DCAF1: variants seen among roughly 807,000 people sequenced by gnomAD.
The protein encoded by DCAF1 is DDB1 and CUL4 associated factor 1.
A neutral mutation model predicts 128.0 loss-of-function variants in DCAF1; 15 were observed. The ratio of observed to expected loss-of-function variants is 0.12; its 90% confidence interval spans 0.08 to 0.18. The LOEUF is 0.18. DCAF1 is among the 10% of genes least tolerant of loss of function. The probability of loss-of-function intolerance (pLI) is 1.00; values close to 1 mark genes in which losing one functional copy is unlikely to be tolerated. For missense variants in DCAF1, 988 were observed against 1,649.5 expected, an observed-to-expected ratio of 0.60 and a Z score of 6.95; for synonymous variants, 610 against 603.0, an observed-to-expected ratio of 1.01 and a Z score of -0.17.
At chr3:51,478,661 G>GT (rs1226638640) in intron 3 of DCAF1, among the ~76,000 whole-genome samples, 12 of 151,494 alleles carry the variant, frequency 7.9e-5, no homozygotes, top group Non-Finnish European at 1.6e-4. Context: ...TTTTTGTTTT[G>GT]TTTTTTTAAT....
chr3:51,442,097 A>T (rs1701412668), intron 7 of DCAF1, among the ~76,000 whole-genome samples, 200 bp from the exon 8 acceptor site: 1 of 152,126 alleles, frequency 6.6e-6, no homozygotes, highest in African/African-American at 2.4e-5. Flanking sequence ...TTCCTCATAA[A>T]ATTTTCCAGA....
intron 10 of DCAF1, among the ~76,000 whole-genome samples, chr3:51,430,947 T>TC (rs1208517826): frequency 1.3e-5 from 2 of 152,184 alleles, no homozygotes; most frequent in Admixed American, 6.5e-5. Context: ...TCCTAGGGGA[T>TC]CACAGGAGCC....
chr3:51,406,580 G>C (rs1432929214), intron 23 of DCAF1, among the ~76,000 whole-genome samples: 2 of 151,834 alleles, frequency 1.3e-5, no homozygotes, highest in African/African-American at 4.8e-5. Context: ...CAATTTCATG[G>C]TTACCCAAAG....
intron 6 of DCAF1, among the ~76,000 whole-genome samples, chr3:51,458,517 T>A (rs1304525561): frequency 6.6e-6 from 1 of 151,818 alleles, no homozygotes; most frequent in Non-Finnish European, 1.5e-5. Context: ...AGACAGAAAG[T>A]TAACAAGGAT....
chr3:51,448,757 C>A (rs1475939664), intron 6 of DCAF1, among the ~76,000 whole-genome samples: 15 of 152,236 alleles, frequency 9.9e-5, no homozygotes, highest in African/African-American at 3.4e-4. Context: ...CTTTCAATTA[C>A]GATTAAGACA....
At chr3:51,499,711 G>C (rs1032404817) in intron 1 of DCAF1, among the ~76,000 whole-genome samples, 162 bp downstream of exon 1, 16 of 151,622 alleles carry the variant, frequency 1.1e-4, no homozygotes, top group Admixed American at 9.2e-4. Context: ...TCAGGCCCCG[G>C]GCCCAGCCTC....
rs1553638924 is a variant in DCAF1 at position 51,441,861 on chromosome 3, G to A, written c.550C>T (p.Leu184=). ...TCCTGCCGCAAAGCCACTTCCTGTA[G>A]CTGTAGCTCCCTCAGTCTTCGAAGC... ...IVLRRLRELQ[L]QEVALRQENK... is the part of the protein sequence containing the mutation. The change falls in exon 8 of 25, where the codon CTA becomes TTA. Residue 184 remains leucine (L), a synonymous_variant. Coordinates refer to ENST00000684031, the MANE Select transcript of DCAF1 (RefSeq NM_001387579.1). 1 of 1,611,270 alleles carries A rather than the reference G, an allele frequency of 6.2e-7. No individual in the cohort carries two copies. Among genetic ancestry groups the A allele is most frequent in the East Asian group, 2.2e-5 (1 of 44,886 alleles).
intron 17 of DCAF1, among the ~76,000 whole-genome samples, chr3:51,417,564 T>G (rs1698993275): frequency 6.6e-6 from 1 of 151,060 alleles, no homozygotes; most frequent in Non-Finnish European, 1.5e-5. Flanking sequence ...ACTAAAAATA[T>G]AAAATATTAG....
chr3:51,434,049 T>C (rs1700607306), intron 9 of DCAF1, among the ~76,000 whole-genome samples: 1 of 149,852 alleles, frequency 6.7e-6, no homozygotes. Context: ...ACCACTGCAC[T>C]GCAGCCTGGG....
chr3:51,449,956 T>C (rs1342711638), intron 6 of DCAF1, among the ~76,000 whole-genome samples: 1 of 152,142 alleles, frequency 6.6e-6, no homozygotes, highest in African/African-American at 2.4e-5. Flanking sequence ...AATAGACCTA[T>C]AAGTAGTAAG....
intron 3 of DCAF1, among the ~76,000 whole-genome samples, chr3:51,473,392 T>C (rs1307508612): frequency 2.0e-5 from 3 of 149,740 alleles, no homozygotes; most frequent in Non-Finnish European, 3.0e-5. Context: ...AACTCTCCTA[T>C]GTGCTTATTT....
At chr3:51,467,806 ATACAAGGTC>A (rs1704290919) in intron 4 of DCAF1, among the ~76,000 whole-genome samples, 1 of 152,198 alleles carries the variant, frequency 6.6e-6, no homozygotes, top group Admixed American at 6.6e-5. Flanking sequence ...CACCAAGAGT[ATACAAGGTC>A]TACAAAAGAA....
At chr3:51,500,345 T>G (rs1553663794), upstream of DCAF1, among the ~76,000 whole-genome samples, 2 of 152,076 alleles carry the variant, frequency 1.3e-5, no homozygotes, top group Non-Finnish European at 2.9e-5. Flanking sequence ...GAGCCAATCC[T>G]TCTAAGACAG....
chr3:51,504,036 A>ATTT (rs559346586), upstream of DCAF1, among the ~76,000 whole-genome samples: 3 of 130,250 alleles, frequency 2.3e-5, no homozygotes, highest in African/African-American at 5.7e-5. Flanking sequence ...GCCCCTGAAC[A>ATTT]TTTTTTTTTT....
At chr3:51,411,849 C>CTTA (rs1165697116) in intron 23 of DCAF1, among the ~76,000 whole-genome samples, 5 of 151,952 alleles carry the variant, frequency 3.3e-5, no homozygotes, top group African/African-American at 4.8e-5. Context: ...GTGGCTCATG[C>CTTA]TTATACTCCA....
chr3:51,488,595 G>C (rs1553656523), intron 2 of DCAF1, among the ~76,000 whole-genome samples: 1 of 152,156 alleles, frequency 6.6e-6, no homozygotes, highest in Non-Finnish European at 1.5e-5. Context: ...CTGAGGTCAG[G>C]GGTTCCAGAC....
intron 10 of DCAF1, among the ~76,000 whole-genome samples, chr3:51,431,057 G>A (rs1216695742): frequency 6.6e-6 from 1 of 152,082 alleles, no homozygotes; most frequent in African/African-American, 2.4e-5. Context: ...GTGTGCCCTT[G>A]TTGTCCCAGC....
At position 51,397,891 on chromosome 3, in the gene DCAF1, C is replaced by T. The variant is rs76447799; in HGVS notation, c.*878G>A. On this transcript the variant is annotated 3_prime_UTR_variant, in exon 25 of 25. Transcript: ENST00000684031. Reference sequence around the variant, plus strand: ...TTTGTATTTTTTTTAAATAAATACACTTTACATTAAAGAAAAAGGCCTTTG... The same window carrying T: ...TTTGTATTTTTTTTAAATAAATACATTTTACATTAAAGAAAAAGGCCTTTG... 1 of 166,536 alleles carries T rather than the reference C, an allele frequency of 6.0e-6. No individual in the cohort carries two copies. Among genetic ancestry groups the T allele is most frequent in the African/African-American group, 2.4e-5 (1 of 41,328 alleles). The allele number at this position is 166,536 out of a possible 1,614,324, so 10.3% of individuals were successfully genotyped here. A position where few individuals can be genotyped will look rare whatever the true frequency, so the allele number is the denominator to read the frequency against.
At chr3:51,476,570 C>G (rs563695779) in intron 3 of DCAF1, among the ~76,000 whole-genome samples, 3 of 72,678 alleles carry the variant, frequency 4.1e-5, no homozygotes, top group Non-Finnish European at 7.1e-5. Flanking sequence ...TAAATTATAT[C>G]TCAAAAAAAA....
Sources: gnomAD v4.1 joint callset for allele counts (sites outside exome capture counted in the v4.1 genomes callset) on GRCh38, gnomAD v4.1.1 for gene constraint, MANE v1.5 for transcripts, NCBI Gene and HGNC (gene_info 2026-07-23, HGNC 2026-07-21) for gene names.